The following ATL2 variants were observed in gnomAD, a reference collection of about 807,000 sequenced individuals.
ATL2 encodes atlastin GTPase 2.
A neutral mutation model predicts 73.9 loss-of-function variants in ATL2; 31 were observed. The observed-to-expected ratio is 0.42, with a 90% CI of 0.32 to 0.57. The LOEUF is 0.57. Among genes scored for constraint, ATL2 ranks in the 20% least tolerant of loss-of-function variants. The pLI, the probability that ATL2 is intolerant of heterozygous loss-of-function variation, is 0.14. For missense variants in ATL2, 738 were observed against 702.6 expected (o/e 1.05, Z -0.57); for synonymous variants, 291 against 237.5 (o/e 1.23, Z -2.07).
intron 1 of ATL2, among the ~76,000 whole-genome samples, chr2:38,368,887 G>A (rs528757205): frequency 2.6e-5 from 4 of 152,020 alleles, no homozygotes; most frequent in Non-Finnish European, 5.9e-5. Flanking sequence ...CCAGGAGTTC[G>A]AGACTAGCCT....
intron 1 of ATL2, among the ~76,000 whole-genome samples, chr2:38,352,058 C>T (rs1670379870): frequency 6.9e-6 from 1 of 145,002 alleles, no homozygotes; most frequent in East Asian, 2.1e-4. Flanking sequence ...CTGCAGTGAG[C>T]CAAGATCGCG....
At chr2:38,357,783 A>G (rs1307258728) in intron 1 of ATL2, among the ~76,000 whole-genome samples, 2 of 152,180 alleles carry the variant, frequency 1.3e-5, no homozygotes, top group Non-Finnish European at 2.9e-5. Context: ...ATCAAGATAC[A>G]TGACAACATT....
At chr2:38,340,600 T>A (rs1350127958) in intron 2 of ATL2, among the ~76,000 whole-genome samples, 1 of 125,994 alleles carries the variant, frequency 7.9e-6, no homozygotes, top group Non-Finnish European at 1.5e-5. Flanking sequence ...ACTGAAAACT[T>A]AAACTGTCAG....
At chr2:38,314,987 AC>A in intron 5 of ATL2, among the ~76,000 whole-genome samples, 1 of 152,252 alleles carries the variant, frequency 6.6e-6, no homozygotes, top group Non-Finnish European at 1.5e-5. Flanking sequence ...GCAGCGGCTC[AC>A]GCCGGGTAAT....
At chr2:38,317,161 A>T (rs1302866336) in intron 4 of ATL2, among the ~76,000 whole-genome samples, 1 of 152,134 alleles carries the variant, frequency 6.6e-6, no homozygotes, top group Non-Finnish European at 1.5e-5. Context: ...AGCATAAAAA[A>T]ATCCAAGACA....
At chr2:38,310,246 T>G (rs1558394694) in intron 8 of ATL2, 63 bp downstream of exon 8, 1 of 1,562,076 alleles carries the variant, frequency 6.4e-7, no homozygotes, top group East Asian at 2.2e-5. Flanking sequence ...TCATGTATTT[T>G]CTTAAAAAAC....
intron 2 of ATL2, among the ~76,000 whole-genome samples, chr2:38,325,791 G>A (rs1668624030): frequency 6.9e-6 from 1 of 144,028 alleles, no homozygotes; most frequent in Non-Finnish European, 1.5e-5. Context: ...CTGCCCTCCT[G>A]AGAAAACTAC....
intron 10 of ATL2, 31 bp downstream of exon 10, chr2:38,300,241 G>A (rs761179365): frequency 6.5e-6 from 10 of 1,535,672 alleles, no homozygotes; most frequent in Admixed American, 5.0e-5. Context: ...ATAAGTATAT[G>A]TACAACACAT....
chr2:38,375,810 A>G (rs1369600704), intron 1 of ATL2, among the ~76,000 whole-genome samples: 1 of 152,240 alleles, frequency 6.6e-6, no homozygotes, highest in Non-Finnish European at 1.5e-5. Flanking sequence ...ACAGAGTGCT[A>G]CCACTGTACA....
chr2:38,318,490 A>G (rs755726116), intron 4 of ATL2, 45 bp downstream of exon 4: 6 of 1,418,636 alleles, frequency 4.2e-6, no homozygotes, highest in Non-Finnish European at 1.9e-6. Context: ...AAAAGGGGCC[A>G]AATGATTACG....
upstream of ATL2, chr2:38,377,330 G>A (rs896707623): frequency 7.6e-5 from 106 of 1,398,644 alleles, no homozygotes; most frequent in Admixed American, 2.2e-4. Context: ...CCTCCCGGGA[G>A]CCGGCGGGGT....
rs1200239363 is a variant in ATL2, at chr2:38,377,265, T to A, written c.-5A>T. 6.4e-7 allele frequency: 1 copy of A among 1,567,306 alleles called. No homozygotes were observed. Among genetic ancestry groups the A allele is most frequent in the Admixed American group, 1.9e-5 (1 of 53,002 alleles). ...TGCCTCGTCCCCCTCCGCCATCTTG[T>A]ACCGATTTAAAATTAACTCCCCACT... is the stretch of plus-strand genomic sequence containing the variant. On this transcript the variant is annotated 5_prime_UTR_variant, in exon 1 of 13. Coordinates refer to ENST00000378954, the MANE Select transcript of ATL2 (RefSeq NM_001135673.4).
intron 2 of ATL2, 144 bp downstream of exon 2, chr2:38,343,124 G>T: frequency 1.3e-6 from 1 of 744,660 alleles, no homozygotes; most frequent in South Asian, 2.5e-5. Context: ...CTCCATCCTG[G>T]GTAACAGAGT....
chr2:38,371,448 C>T (rs57713095), intron 1 of ATL2, among the ~76,000 whole-genome samples: 19,058 of 152,106 alleles, frequency 0.13, 3,518 homozygotes, highest in African/African-American at 0.41. Context: ...GTCAAAACCG[C>T]GGTGATCACG....
chr2:38,353,569 G>C (rs944974544), intron 1 of ATL2, among the ~76,000 whole-genome samples: 4 of 152,188 alleles, frequency 2.6e-5, no homozygotes, highest in African/African-American at 9.7e-5. Flanking sequence ...TTTGATGACA[G>C]AGATTTACAG....
At chr2:38,355,245 G>C (rs1039763417) in intron 1 of ATL2, among the ~76,000 whole-genome samples, 2 of 152,070 alleles carry the variant, frequency 1.3e-5, no homozygotes, top group Non-Finnish European at 2.9e-5. Flanking sequence ...TCCTGTCTCA[G>C]CCTCCCGAGT....
intron 1 of ATL2, among the ~76,000 whole-genome samples, chr2:38,375,902 T>C (rs1391542677): frequency 6.6e-6 from 1 of 152,226 alleles, no homozygotes; most frequent in African/African-American, 2.4e-5. Flanking sequence ...AACTCCAGTC[T>C]GTCATCACCT....
chr2:38,324,977 A>AGTC (rs1186860294), intron 2 of ATL2, among the ~76,000 whole-genome samples: 2 of 152,228 alleles, frequency 1.3e-5, no homozygotes, highest in African/African-American at 4.8e-5. Flanking sequence ...CTACACAACA[A>AGTC]TGTGAACAGA....
chr2:38,349,501 C>T (rs540326651), intron 1 of ATL2, among the ~76,000 whole-genome samples: 1 of 121,208 alleles, frequency 8.3e-6, no homozygotes, highest in Non-Finnish European at 1.6e-5. Flanking sequence ...GGAAGGGGAA[C>T]ATCACACTCT....
Sources: gnomAD v4.1 joint callset for allele counts (sites outside exome capture counted in the v4.1 genomes callset) on GRCh38, gnomAD v4.1.1 for gene constraint, MANE v1.5 for transcripts, NCBI Gene and HGNC (gene_info 2026-07-23, HGNC 2026-07-21) for gene names.